The following PCDHA7 variants were observed in gnomAD, a reference collection of about 807,000 sequenced individuals.
PCDHA7 encodes the protein protocadherin alpha 7.
Under a neutral mutation model 57.2 loss-of-function variants are expected in PCDHA7, and 37 were observed. The observed-to-expected ratio is 0.65, with a 90% CI of 0.50 to 0.85. The LOEUF (loss-of-function observed/expected upper bound fraction) is 0.85. Ranked by LOEUF, PCDHA7 falls within the 40% of genes least tolerant of loss-of-function variation. The pLI, the probability that PCDHA7 is intolerant of heterozygous loss-of-function variation, is 0.00. For synonymous variants in PCDHA7, 553 were observed against 558.8 expected (o/e 0.99, Z 0.15); for missense variants, 1,188 against 1,241.8 (o/e 0.96, Z 0.65).
chr5:140,958,799 C>T (rs889190378), intron 1 of PCDHA7, among the ~76,000 whole-genome samples: 3 of 152,104 alleles, frequency 2.0e-5, no homozygotes, highest in African/African-American at 7.2e-5. Context: ...AGTAAATTAT[C>T]ACACCATTCT....
chr5:140,857,965 T>A (rs2045057486), intron 1 of PCDHA7: 1 of 1,597,084 alleles, frequency 6.3e-7, no homozygotes, highest in East Asian at 2.2e-5. Context: ...TGGATGAGAC[T>A]GACTCGCCAC....
chr5:141,002,918 GAACACCCTCC>G (rs1554258833), intron 3 of PCDHA7, among the ~76,000 whole-genome samples: 1 of 152,192 alleles, frequency 6.6e-6, no homozygotes, highest in Non-Finnish European at 1.5e-5. Flanking sequence ...TCAGAAAAGT[GAACACCCTCC>G]AACACCCTCC....
Position 140,884,432 on chromosome 5 carries a change from C to A in PCDHA7, c.2355+47694C>A, listed in dbSNP as rs782413139. ...CACGTTGCTGCTGTATACTGCGCTG[C>A]GGTGCTCGGCACCGCCCACCGAGGG... On this transcript the variant is annotated intron_variant, in intron 1 of 3. Coordinates refer to ENST00000525929, the MANE Select transcript of PCDHA7 (RefSeq NM_018910.3). The A allele has an allele frequency of 4.3e-6, 7 of 1,613,764 alleles. No individual in the cohort carries two copies. The highest frequency in any genetic ancestry group is 5.1e-6 in the Non-Finnish European group (6 of 1,179,866).
chr5:140,864,705 G>T (rs1321181111), intron 1 of PCDHA7: 1 of 152,172 alleles, frequency 6.6e-6, no homozygotes, highest in Admixed American at 6.5e-5. Flanking sequence ...AAGTTGTTGA[G>T]CTCTTCTACT....
At position 140,968,115 on chromosome 5, in the gene PCDHA7, C is replaced by T. The variant is rs199565711; in HGVS notation, c.2356-10834C>T. On this transcript the variant is annotated intron_variant, in intron 1 of 3. Coordinates refer to ENST00000525929, the MANE Select transcript of PCDHA7 (RefSeq NM_018910.3). ...ACAGATGGGGGAATACCGCAGCTCACATCCCTGCGTACACTGAAGGTTGAG... is the reference window on the plus strand; with the variant it reads ...ACAGATGGGGGAATACCGCAGCTCATATCCCTGCGTACACTGAAGGTTGAG... 8.7e-6 allele frequency: 14 copies of T among 1,614,068 alleles called. No individual in the cohort carries two copies. In the Admixed American group the frequency reaches 1.2e-4, roughly 13 times the overall value.
rs565339027 is a variant in PCDHA7, at chr5:141,010,492, C to G, written c.*555C>G. ...AGGGGAAGTGTAAACTTAAAGGGAC[C>G]AGACTTTCTAAATCTTACAACTCAA... On this transcript the variant is annotated 3_prime_UTR_variant, in exon 4 of 4. Transcript: ENST00000525929. 28 of 628,626 alleles carry G rather than the reference C, an allele frequency of 4.5e-5. No homozygotes were observed. Among genetic ancestry groups the G allele is most frequent in the Admixed American group, 1.7e-4 (5 of 29,282 alleles). 38.9% of individuals were successfully genotyped at this position (628,626 alleles called of 1,614,324 possible).
chr5:140,882,681 A>G, intron 1 of PCDHA7: 1 of 1,614,176 alleles, frequency 6.2e-7, no homozygotes, highest in Non-Finnish European at 8.5e-7. Context: ...GAAAGCAAGA[A>G]ACGAATAATC....
chr5:140,853,345 C>A, intron 1 of PCDHA7: 2 of 982,280 alleles, frequency 2.0e-6, no homozygotes, highest in Non-Finnish European at 2.5e-6. Context: ...CATTAGCAAA[C>A]ATGAACTCAC....
intron 1 of PCDHA7, among the ~76,000 whole-genome samples, chr5:140,948,360 C>T (rs1258504765): frequency 6.6e-6 from 1 of 151,494 alleles, no homozygotes; most frequent in Non-Finnish European, 1.5e-5. Context: ...AATAAAATGA[C>T]TTAGGAGGTG....
chr5:140,896,764 G>C (rs2153454405), intron 1 of PCDHA7, among the ~76,000 whole-genome samples: 1 of 152,136 alleles, frequency 6.6e-6, no homozygotes, highest in East Asian at 1.9e-4. Context: ...GACCTTTGTT[G>C]GATGCATAGT....
intron 1 of PCDHA7, chr5:140,869,887 C>T (rs782219538): frequency 3.7e-6 from 6 of 1,610,056 alleles, no homozygotes; most frequent in Non-Finnish European, 3.4e-6. Flanking sequence ...AACTCTTGTG[C>T]TCAAACTAAA....
At chr5:140,911,866 T>A (rs139180139) in intron 1 of PCDHA7, among the ~76,000 whole-genome samples, 31 of 152,320 alleles carry the variant, frequency 2.0e-4, no homozygotes, top group Non-Finnish European at 4.3e-4. Context: ...TCTGTTCTTC[T>A]GGAACCACTC....
At chr5:140,874,064 A>T (rs554642692) in intron 1 of PCDHA7, among the ~76,000 whole-genome samples, 17 of 152,334 alleles carry the variant, frequency 1.1e-4, no homozygotes, top group Admixed American at 1.1e-3. Flanking sequence ...AATTTAAATA[A>T]TTAGCCTGAT....
Position 140,881,317 on chromosome 5 carries a change from T to A in PCDHA7, c.2355+44579T>A, listed in dbSNP as rs2058663628. On this transcript the variant is annotated intron_variant, in intron 1 of 3. Coordinates refer to ENST00000525929, the MANE Select transcript of PCDHA7 (RefSeq NM_018910.3). ...GGAAACTTTAACCTCCTGGTTAAAT[T>A]CTATTTAACCAGGACGCCGATTCGG... 8.2e-6 allele frequency: 8 copies of A among 977,378 alleles called. No individual in the cohort carries two copies. The Admixed American group carries it at 4.9e-4, about 60-fold the overall frequency. The allele number at this position is 977,378 out of a possible 1,614,324, so 60.5% of individuals were successfully genotyped here.
At chr5:140,848,386 TC>T in intron 1 of PCDHA7, 1 of 1,217,430 alleles carries the variant, frequency 8.2e-7, no homozygotes, top group Non-Finnish European at 1.2e-6. Context: ...TTTTTCACTC[TC>T]TCTGTGCTGA....
At chr5:140,997,466 T>G (rs2097771241) in intron 3 of PCDHA7, among the ~76,000 whole-genome samples, 2 of 152,186 alleles carry the variant, frequency 1.3e-5, no homozygotes, top group Admixed American at 1.3e-4. Context: ...CTGTAGGCAA[T>G]TTTTACACAA....
At position 140,870,696 on chromosome 5, in the gene PCDHA7, G is replaced by A. The variant is rs377050637; in HGVS notation, c.2355+33958G>A. The A allele has an allele frequency of 1.1e-5, 17 of 1,612,906 alleles. No individual in the cohort carries two copies. The African/African-American group carries it at 1.9e-4, about 18-fold the overall frequency. ...ACCACGAGGAGCTGGAGCTGCTACA[G>A]TTCCAGGTGAGCGCGCGCGATGCGG... On this transcript the variant is annotated intron_variant, in intron 1 of 3. Coordinates refer to ENST00000525929, the MANE Select transcript of PCDHA7 (RefSeq NM_018910.3).
At chr5:140,876,955 G>C in intron 1 of PCDHA7, 1 of 1,613,390 alleles carries the variant, frequency 6.2e-7, no homozygotes, top group Admixed American at 1.7e-5. Flanking sequence ...CTACTCGCTG[G>C]TGGAGCGGCG....
At position 140,969,313 on chromosome 5, in the gene PCDHA7, G is replaced by A. The variant is rs2096317901; in HGVS notation, c.2356-9636G>A. 3.7e-6 allele frequency: 6 copies of A among 1,614,160 alleles called. No homozygotes were observed. In the East Asian group the frequency reaches 8.9e-5, roughly 24 times the overall value. ...GGAACCTGATTATTCTCAAAAATGAGGCTGTTTCTCAAAATGAGGTGAGAC... is the reference window on the plus strand; with the variant it reads ...GGAACCTGATTATTCTCAAAAATGAAGCTGTTTCTCAAAATGAGGTGAGAC... On this transcript the variant is annotated intron_variant, in intron 1 of 3. Coordinates refer to ENST00000525929, the MANE Select transcript of PCDHA7 (RefSeq NM_018910.3).
Sources: allele counts gnomAD v4.1 joint callset (sites outside exome capture counted in the v4.1 genomes callset), GRCh38; gene constraint gnomAD v4.1.1; transcripts MANE v1.5; gene names NCBI Gene and HGNC (gene_info 2026-07-23, HGNC 2026-07-21).